Variants in ELP4 observed in about 807,000 individuals in gnomAD.
ELP4 encodes elongator complex protein 4.
In ELP4, 51 loss-of-function variants were observed where a neutral mutation model predicts 48.9. The observed-to-expected ratio is 1.04, with a 90% CI of 0.83 to 1.32. The LOEUF (loss-of-function observed/expected upper bound fraction) is 1.32. Ranked by LOEUF, ELP4 falls within the 40% of genes most tolerant of loss-of-function variation. The probability of loss-of-function intolerance (pLI) is 0.00; values close to 1 mark genes in which losing one functional copy is unlikely to be tolerated. For missense variants in ELP4, 519 were observed against 514.6 expected (o/e 1.01, Z -0.08); for synonymous variants, 210 against 189.2 (o/e 1.11, Z -0.90).
Position 31,632,283 on chromosome 11 carries a change from A to T in ELP4, c.805A>T (p.Ile269Phe). 1 of 1,613,178 alleles carries T rather than the reference A, an allele frequency of 6.2e-7. No homozygotes were observed. The highest frequency in any genetic ancestry group is 8.5e-7 in the Non-Finnish European group (1 of 1,179,536). ...NLGSPLWGDD[I>F]CCAENGGNSH... is the part of the protein sequence containing the mutation. ...TGGCTCACCTTTATGGGGAGACGAT[A>T]TTTGCTGTGCAGAAAATGGTGGCAA... The change falls in exon 7 of 10, where the codon ATT (isoleucine) becomes TTT (phenylalanine). Residue 269 changes from isoleucine to phenylalanine, a missense_variant. Transcript: ENST00000640961.
intron 9 of ELP4, among the ~76,000 whole-genome samples, chr11:31,751,897 A>G (rs952564197): frequency 2.6e-5 from 4 of 152,176 alleles, no homozygotes; most frequent in African/African-American, 9.7e-5. Context: ...AATATGCCAG[A>G]TCTATCAAAA....
intron 9 of ELP4, among the ~76,000 whole-genome samples, chr11:31,692,942 T>C (rs1360089771): frequency 6.6e-6 from 1 of 152,082 alleles, no homozygotes; most frequent in Non-Finnish European, 1.5e-5. Flanking sequence ...CCACACTAGA[T>C]TGCAATTACT....
chr11:31,632,605 T>C (rs955906967), intron 7 of ELP4, 200 bp downstream of exon 7: 10 of 425,356 alleles, frequency 2.4e-5, no homozygotes, highest in Non-Finnish European at 3.7e-5. Context: ...AGTTCCTTGA[T>C]ATTTTAGCTA....
intron 9 of ELP4, among the ~76,000 whole-genome samples, chr11:31,709,784 C>A (rs779810004): frequency 5.9e-5 from 9 of 152,088 alleles, no homozygotes; most frequent in Non-Finnish European, 1.2e-4. Context: ...TTAGCCAAAA[C>A]AATAATTATC....
intron 5 of ELP4, among the ~76,000 whole-genome samples, chr11:31,617,298 C>T (rs1405949399): frequency 6.6e-6 from 1 of 151,838 alleles, no homozygotes; most frequent in Non-Finnish European, 1.5e-5. Flanking sequence ...ATGAGTGAAC[C>T]TTGACATTGT....
chr11:31,600,289 T>C (rs1358156749), intron 4 of ELP4: 1 of 152,184 alleles, frequency 6.6e-6, no homozygotes, highest in Non-Finnish European at 1.5e-5. Flanking sequence ...CATCAACCAC[T>C]ATTCCTGACT....
At chr11:31,760,132 C>A (rs1364074702) in intron 9 of ELP4, among the ~76,000 whole-genome samples, 2 of 152,170 alleles carry the variant, frequency 1.3e-5, no homozygotes, top group Non-Finnish European at 2.9e-5. Flanking sequence ...TTGGGATGGA[C>A]TCTATATCAC....
At chr11:31,682,780 G>A (rs982269096) in intron 9 of ELP4, among the ~76,000 whole-genome samples, 3 of 152,150 alleles carry the variant, frequency 2.0e-5, no homozygotes, top group Non-Finnish European at 4.4e-5. Flanking sequence ...ACTGTACAAA[G>A]ACTAATAATG....
At chr11:31,777,881 A>G (rs1948282166) in intron 9 of ELP4, among the ~76,000 whole-genome samples, 1 of 152,198 alleles carries the variant, frequency 6.6e-6, no homozygotes, top group Non-Finnish European at 1.5e-5. Flanking sequence ...TCTCTGTATT[A>G]TAGCTACTTA....
At chr11:31,528,016 C>T (rs1183121949) in intron 2 of ELP4, among the ~76,000 whole-genome samples, 2 of 151,778 alleles carry the variant, frequency 1.3e-5, no homozygotes, top group African/African-American at 2.4e-5. Context: ...TTTTATTTTC[C>T]TCTTGTTTTT....
chr11:31,583,483 T>A (rs1349955522), intron 3 of ELP4, among the ~76,000 whole-genome samples: 1 of 152,028 alleles, frequency 6.6e-6, no homozygotes, highest in African/African-American at 2.4e-5. Context: ...CGGCATGTGG[T>A]CCCAGCTACT....
At chr11:31,596,266 G>A (rs907922000) in intron 4 of ELP4, among the ~76,000 whole-genome samples, 19 of 152,254 alleles carry the variant, frequency 1.2e-4, no homozygotes, top group Admixed American at 5.9e-4. Flanking sequence ...TTAGCTGGGC[G>A]TGGTGGCGGG....
chr11:31,561,355 C>A (rs1422384052), intron 3 of ELP4, among the ~76,000 whole-genome samples: 1 of 152,140 alleles, frequency 6.6e-6, no homozygotes, highest in East Asian at 1.9e-4. Context: ...TTAATAGATG[C>A]CAAAGTTCAT....
At chr11:31,540,795 C>T (rs1413891436) in intron 3 of ELP4, among the ~76,000 whole-genome samples, 1 of 152,048 alleles carries the variant, frequency 6.6e-6, no homozygotes, top group East Asian at 1.9e-4. Flanking sequence ...AATTATATTA[C>T]CAGTATGCCA....
At chr11:31,553,725 AACACACACACACAC>A (rs56921821) in intron 3 of ELP4, among the ~76,000 whole-genome samples, 9 of 140,404 alleles carry the variant, frequency 6.4e-5, no homozygotes, top group African/African-American at 1.3e-4. Flanking sequence ...TGCACACACA[AACACACACACACAC>A]ACACACACAC....
chr11:31,630,945 A>G (rs77205203), intron 6 of ELP4, among the ~76,000 whole-genome samples: 4,041 of 151,936 alleles, frequency 0.027, 169 homozygotes, highest in African/African-American at 0.092. Context: ...CACTGTCTCA[A>G]AAAAAAAGAA....
intron 9 of ELP4, among the ~76,000 whole-genome samples, chr11:31,774,042 G>A (rs553363052): frequency 3.9e-5 from 6 of 152,146 alleles, no homozygotes; most frequent in Non-Finnish European, 8.8e-5. Context: ...AGCCAGACAT[G>A]GTAGCTTGTG....
At chr11:31,537,006 T>C (rs1956512609) in intron 2 of ELP4, among the ~76,000 whole-genome samples, 1 of 152,184 alleles carries the variant, frequency 6.6e-6, no homozygotes, top group South Asian at 2.1e-4. Context: ...ATTTATTCAT[T>C]TTTTTCTCCA....
At chr11:31,740,951 C>A (rs1419919571) in intron 9 of ELP4, among the ~76,000 whole-genome samples, 1 of 152,214 alleles carries the variant, frequency 6.6e-6, no homozygotes, top group Non-Finnish European at 1.5e-5. Context: ...CATCGCCTCA[C>A]CCGGGAAGTG....
Sources: gnomAD v4.1 joint callset for allele counts (sites outside exome capture counted in the v4.1 genomes callset) on GRCh38, gnomAD v4.1.1 for gene constraint, MANE v1.5 for transcripts, NCBI Gene and HGNC (gene_info 2026-07-23, HGNC 2026-07-21) for gene names.